The following TGFBR1 variants were observed in gnomAD, a reference collection of about 807,000 sequenced individuals.
TGFBR1 encodes the protein transforming growth factor beta receptor 1.
A neutral mutation model predicts 55.1 loss-of-function variants in TGFBR1; 20 were observed. The ratio of observed to expected loss-of-function variants is 0.36; its 90% CI spans 0.26 to 0.53. TGFBR1 has a LOEUF of 0.53. Among genes scored for constraint, TGFBR1 ranks in the 20% least tolerant of loss-of-function variants. The probability of loss-of-function intolerance (pLI) is 0.91; values close to 1 mark genes in which losing one functional copy is unlikely to be tolerated. For missense variants in TGFBR1, 385 were observed against 617.6 expected (o/e 0.62, Z 3.99); for synonymous variants, 220 against 214.8 (o/e 1.02, Z -0.21).
In TGFBR1 at chr9:99,151,381, TG is replaced by T. The variant is rs1432795865; in HGVS notation, c.*2081del. ...ATTCTGTGATCAGGTACTTTTTTTG[TG>T]GGGGTTTTTTTTTTGTTTTTTTTTT... On this transcript the variant is annotated 3_prime_UTR_variant, in exon 9 of 9. Coordinates refer to ENST00000374994, the MANE Select transcript of TGFBR1 (RefSeq NM_004612.4). The T allele has an allele frequency of 8.5e-4, 190 of 222,646 alleles. No individual in the cohort carries two copies. The highest frequency in any genetic ancestry group is 4.1e-3 in the African/African-American group (176 of 43,018). 13.8% of individuals were successfully genotyped at this position (222,646 alleles called of 1,614,324 possible).
At chr9:99,127,368 A>C (rs144831339) in intron 1 of TGFBR1, among the ~76,000 whole-genome samples, 199 of 152,268 alleles carry the variant, frequency 1.3e-3, no homozygotes, top group African/African-American at 4.7e-3. Context: ...TCAGCCCCTC[A>C]GACTTCTCCT....
rs7041311 is a variant in TGFBR1 at position 99,128,698 on chromosome 9, A to G, written c.98-157A>G. ...GTTCTTAATATAATTTGAAACTTCTAAGAGCAACAAATAGTTGTTTTTTGC... is the reference window on the plus strand; with the variant it reads ...GTTCTTAATATAATTTGAAACTTCTGAGAGCAACAAATAGTTGTTTTTTGC... On this transcript the variant is annotated intron_variant, in intron 1 of 8. Coordinates refer to ENST00000374994, the MANE Select transcript of TGFBR1 (RefSeq NM_004612.4). The G allele has an allele frequency of 0.039, 38,331 of 970,904 alleles. 4,476 individuals are homozygous for G. In the East Asian group the frequency reaches 0.41, roughly 10 times the overall value. 60.1% of individuals were successfully genotyped at this position (970,904 alleles called of 1,614,324 possible). A position where few individuals can be genotyped will look rare whatever the true frequency, so the allele number is the denominator to read the frequency against.
chr9:99,117,969 C>A (rs918935976), intron 1 of TGFBR1, among the ~76,000 whole-genome samples: 1 of 152,122 alleles, frequency 6.6e-6, no homozygotes, highest in African/African-American at 2.4e-5. Flanking sequence ...TGTCACTTTT[C>A]TCCATTTATA....
chr9:99,132,467 T>C, intron 2 of TGFBR1, 42 bp from the exon 3 acceptor site: 1 of 1,610,974 alleles, frequency 6.2e-7, no homozygotes, highest in Non-Finnish European at 8.5e-7. Flanking sequence ...TACAGTGTTT[T>C]TGTCGTTGTT....
At chr9:99,125,653 A>C (rs1418034917) in intron 1 of TGFBR1, among the ~76,000 whole-genome samples, 1 of 152,176 alleles carries the variant, frequency 6.6e-6, no homozygotes, top group African/African-American at 2.4e-5. Context: ...AGTGTGCCAC[A>C]AGGACATTTG....
chr9:99,117,253 A>ATTT lies in TGFBR1; in HGVS notation c.98-11587_98-11585dup, dbSNP rs34711337. On this transcript the variant is annotated intron_variant, in intron 1 of 8. Coordinates refer to ENST00000374994, the MANE Select transcript of TGFBR1 (RefSeq NM_004612.4). The stretch of plus-strand genomic sequence containing the variant: ...CAGGCATCTGCCACCACGCCTGGCT[A>ATTT]TTTTTTTTTTTTTTTTTGTATTTTT... 1.5e-3 allele frequency among the ~76,000 whole-genome samples: 203 copies of ATTT among 135,468 alleles called. 10 individuals carry two copies. The East Asian group carries it at 0.041, about 27-fold the overall frequency. The allele number at this position is 135,468 out of a possible 152,430, so 88.9% of individuals were successfully genotyped here.
intron 5 of TGFBR1, among the ~76,000 whole-genome samples, chr9:99,144,230 T>A (rs1025856869): frequency 3.3e-5 from 5 of 152,224 alleles, no homozygotes; most frequent in Non-Finnish European, 1.5e-5. Flanking sequence ...TTTCTTAAAG[T>A]GCCTGAACCA....
chr9:99,145,691 A>G (rs1004457495), intron 6 of TGFBR1: 1 of 152,452 alleles, frequency 6.6e-6, no homozygotes, highest in Admixed American at 6.5e-5. Flanking sequence ...CTTCATGTGG[A>G]TGATAAGCCG....
chr9:99,152,750 CTT>C lies in TGFBR1; in HGVS notation c.*3447_*3448del, dbSNP rs1350329836. 8.7e-6 allele frequency: 2 copies of C among 228,696 alleles called. No individual in the cohort carries two copies. Among genetic ancestry groups the C allele is most frequent in the Non-Finnish European group, 1.7e-5 (2 of 115,230 alleles). The allele number at this position is 228,696 out of a possible 1,614,324, so 14.2% of individuals were successfully genotyped here. ...ATTCCAAATAATGGTTCTGTTAACA[CTT>C]TGGCAGAAAATGCCAGCTCAGATAT... On this transcript the variant is annotated 3_prime_UTR_variant, in exon 9 of 9. Coordinates refer to ENST00000374994, the MANE Select transcript of TGFBR1 (RefSeq NM_004612.4).
rs1827909745 is a variant in TGFBR1, at chr9:99,149,371, T to C, written c.*66T>C. On this transcript the variant is annotated 3_prime_UTR_variant, in exon 9 of 9. Coordinates refer to ENST00000374994, the MANE Select transcript of TGFBR1 (RefSeq NM_004612.4). ...TGCTCCTGGGTTTTAATTTGGGAGG[T>C]CAATTGTTCTACCTCACTGAGAGGG... is the stretch of plus-strand genomic sequence containing the variant. 5 of 1,596,368 alleles carry C rather than the reference T, an allele frequency of 3.1e-6. No homozygotes were observed. In the Admixed American group the frequency reaches 8.4e-5, roughly 27 times the overall value.
chr9:99,125,615 C>A (rs983326321), intron 1 of TGFBR1, among the ~76,000 whole-genome samples: 15 of 152,116 alleles, frequency 9.9e-5, no homozygotes, highest in African/African-American at 3.6e-4. Flanking sequence ...CTTTCTTTTA[C>A]AATGACCATG....
rs1388130905 is a variant in TGFBR1, at chr9:99,152,820, C to T, written c.*3515C>T. The T allele has an allele frequency of 8.6e-6, 2 of 231,366 alleles. No homozygotes were observed. Among genetic ancestry groups the T allele is most frequent in the Admixed American group, 5.6e-5 (1 of 17,706 alleles). The allele number at this position is 231,366 out of a possible 1,614,324, so 14.3% of individuals were successfully genotyped here. A position where few individuals can be genotyped will look rare whatever the true frequency, so the allele number is the denominator to read the frequency against. On this transcript the variant is annotated 3_prime_UTR_variant, in exon 9 of 9. Transcript: ENST00000374994. The stretch of plus-strand genomic sequence containing the variant: ...TATCTTTGGACATGTACTGCAGCTT[C>T]TTGTCTCTGTTTTGGATTACTGGAA...
rs935248470 is a variant in TGFBR1 at position 99,134,851 on chromosome 9, T to A, written c.574+2112T>A. On this transcript the variant is annotated intron_variant, in intron 3 of 8. Transcript: ENST00000374994. ...ATATATATATATATATATATATATATATTTCTAGATCCATGAGGGACCATA... is the reference window on the plus strand; with the variant it reads ...ATATATATATATATATATATATATAAATTTCTAGATCCATGAGGGACCATA... Among the ~76,000 whole-genome samples, 1,050 of 120,036 alleles carry A rather than the reference T, an allele frequency of 8.7e-3. 16 individuals are homozygous for A. Among genetic ancestry groups the A allele is most frequent in the East Asian group, 0.033 (137 of 4,164 alleles). The allele number at this position is 120,036 out of a possible 152,430, so 78.7% of individuals were successfully genotyped here.
At chr9:99,149,009 A>T (rs1232457296) in intron 8 of TGFBR1, among the ~76,000 whole-genome samples, 171 bp from the exon 9 acceptor site, 1 of 152,212 alleles carries the variant, frequency 6.6e-6, no homozygotes, top group Non-Finnish European at 1.5e-5. Context: ...TGGCACCAGT[A>T]CCCTATTGAT....
chr9:99,115,956 T>G (rs1393169351), intron 1 of TGFBR1, among the ~76,000 whole-genome samples: 1 of 152,210 alleles, frequency 6.6e-6, no homozygotes, highest in African/African-American at 2.4e-5. Flanking sequence ...TGATTGCCAG[T>G]CCCACCAAAG....
chr9:99,107,956 T>G (rs187313574), intron 1 of TGFBR1, among the ~76,000 whole-genome samples: 203 of 152,352 alleles, frequency 1.3e-3, no homozygotes, highest in African/African-American at 4.6e-3. Flanking sequence ...TCTGCAACAC[T>G]TAACAGTTTG....
At chr9:99,129,518 TA>T (rs2118583417) in intron 2 of TGFBR1, among the ~76,000 whole-genome samples, 1 of 152,370 alleles carries the variant, frequency 6.6e-6, no homozygotes, top group South Asian at 2.1e-4. Context: ...TTTCATTTTG[TA>T]ATTTCAGCTT....
Position 99,150,965 on chromosome 9 carries a change from G to C in TGFBR1, c.*1660G>C, listed in dbSNP as rs1433697194. 1 of 226,766 alleles carries C rather than the reference G, an allele frequency of 4.4e-6. No individual in the cohort carries two copies. Among genetic ancestry groups the C allele is most frequent in the Non-Finnish European group, 8.8e-6 (1 of 113,798 alleles). 14.0% of individuals were successfully genotyped at this position (226,766 alleles called of 1,614,324 possible). On this transcript the variant is annotated 3_prime_UTR_variant, in exon 9 of 9. Transcript: ENST00000374994. ...GGGGAGAAAAAACTATCATAGCTCT[G>C]AGGCAAGACTTCGACTTTATAGTGC...
At chr9:99,135,594 A>C (rs1050585260) in intron 3 of TGFBR1, among the ~76,000 whole-genome samples, 1 of 152,232 alleles carries the variant, frequency 6.6e-6, no homozygotes, top group Admixed American at 6.5e-5. Flanking sequence ...GTGAGTGTGC[A>C]CATGTGCATA....
Sources: allele counts gnomAD v4.1 joint callset (sites outside exome capture counted in the v4.1 genomes callset), GRCh38; gene constraint gnomAD v4.1.1; transcripts MANE v1.5; gene names NCBI Gene and HGNC (gene_info 2026-07-23, HGNC 2026-07-21).